ACOX1: variants seen among roughly 807,000 people sequenced by gnomAD.
ACOX1 encodes peroxisomal acyl-coenzyme A oxidase 1.
ACOX1 carries 41 observed loss-of-function variants against 75.5 expected under a neutral mutation model. The ratio of observed to expected loss-of-function variants is 0.54; its 90% CI spans 0.42 to 0.70. The LOEUF is 0.70. Among genes scored for constraint, ACOX1 ranks in the 30% least tolerant of loss-of-function variants. The pLI, the probability that ACOX1 is intolerant of heterozygous loss-of-function variation, is 0.00. For synonymous variants in ACOX1, 303 were observed against 298.8 expected, an observed-to-expected ratio of 1.01 and a Z score of -0.15; for missense variants, 630 against 837.5, an observed-to-expected ratio of 0.75 and a Z score of 3.06.
Position 75,943,243 on chromosome 17 carries a change from G to A in ACOX1, c.*3505C>T, listed in dbSNP as rs2065689931. 6.7e-6 allele frequency: 1 copy of A among 149,090 alleles called. No homozygotes were observed. Among genetic ancestry groups the A allele is most frequent in the South Asian group, 2.1e-4 (1 of 4,718 alleles). 9.2% of individuals were successfully genotyped at this position (149,090 alleles called of 1,614,324 possible). ...AAAAAAAAAAAAAAAAAATTAACAT[G>A]TTGGCCCAGTGCAGTAGCTCACTCC... On this transcript the variant is annotated 3_prime_UTR_variant, in exon 14 of 14. Transcript: ENST00000293217.
intron 2 of ACOX1, among the ~76,000 whole-genome samples, chr17:75,968,975 A>G (rs192180847): frequency 1.3e-5 from 2 of 152,162 alleles, no homozygotes; most frequent in Non-Finnish European, 2.9e-5. Flanking sequence ...TAAAGTGACC[A>G]CGTTGATGGA....
At chr17:75,958,219 G>A (rs1456195397) in intron 3 of ACOX1, among the ~76,000 whole-genome samples, 1 of 150,366 alleles carries the variant, frequency 6.7e-6, no homozygotes, top group African/African-American at 2.5e-5. Context: ...CAGGCATTGT[G>A]GCATGCGCCT....
chr17:75,958,786 C>G (rs1295354871), intron 3 of ACOX1, among the ~76,000 whole-genome samples: 8 of 135,870 alleles, frequency 5.9e-5, no homozygotes, highest in East Asian at 2.1e-4. Context: ...CCAGCCTGGG[C>G]GACAGAGCAC....
intron 4 of ACOX1, 113 bp from the exon 5 acceptor site, chr17:75,956,060 T>TACG: frequency 6.9e-7 from 1 of 1,450,512 alleles, no homozygotes; most frequent in Non-Finnish European, 9.6e-7. Context: ...ACCAATAGTA[T>TACG]GTGTCCAGAA....
rs780070535 is a variant in ACOX1, at chr17:75,978,703, G to T, written c.110-10C>A. ...TTCAGGATCATGTTCTCTGAAAGGG[G>T]GTTAAAGGGCATTAAAAGGCAGACA... On this transcript the variant is annotated splice_polypyrimidine_tract_variant and intron_variant, in intron 1 of 13. Coordinates refer to ENST00000293217, the MANE Select transcript of ACOX1 (RefSeq NM_004035.7). This position sits in a 1 kb window ranked among gnomAD's most constrained non-coding sequence, Gnocchi z 4.2. The T allele has an allele frequency of 7.4e-6, 12 of 1,613,596 alleles. No homozygotes were observed. The highest frequency in any genetic ancestry group is 1.0e-5 in the Non-Finnish European group (12 of 1,180,038).
chr17:75,957,730 T>C (rs771567350), intron 3 of ACOX1, among the ~76,000 whole-genome samples, 164 bp from the exon 4 acceptor site: 31 of 152,194 alleles, frequency 2.0e-4, no homozygotes, highest in Non-Finnish European at 4.0e-4. Flanking sequence ...ACCAAGACAC[T>C]GAATTTCCCA....
chr17:75,948,432 A>G lies in ACOX1; in HGVS notation c.1754T>C (p.Ile585Thr). Reference sequence around the variant, plus strand: ...CTTTACACGCTGGTTTACTTGTGTAATCTGAGGCTCTGTCATGATGCTCCC... The same window carrying G: ...CTTTACACGCTGGTTTACTTGTGTAGTCTGAGGCTCTGTCATGATGCTCCC... ...LQGSIMTEPQ[I>T]TQVNQRVKEL... The change falls in exon 13 of 14, where the codon ATT (isoleucine) becomes ACT (threonine). Residue 585 changes from isoleucine to threonine, a missense_variant. Ile to Thr is a moderately conservative substitution (Grantham distance 89). Transcript: ENST00000293217. 6.2e-7 allele frequency: 1 copy of G among 1,614,210 alleles called. No individual in the cohort carries two copies. Among genetic ancestry groups the G allele is most frequent in the Non-Finnish European group, 8.5e-7 (1 of 1,180,030 alleles).
rs1232468139 is a variant in ACOX1 at position 75,946,685 on chromosome 17, C to G, written c.*63G>C. The G allele has an allele frequency of 6.8e-7, 1 of 1,459,980 alleles. No individual in the cohort carries two copies. Among genetic ancestry groups the G allele is most frequent in the Non-Finnish European group, 9.6e-7 (1 of 1,041,902 alleles). The allele number at this position is 1,459,980 out of a possible 1,614,324, so 90.4% of individuals were successfully genotyped here. Reference sequence around the variant, plus strand: ...TAGCTATTTGAATTCGAAAAAGATTCCACAAAATTTGAGTTGCACACAGGC... The same window carrying G: ...TAGCTATTTGAATTCGAAAAAGATTGCACAAAATTTGAGTTGCACACAGGC... On this transcript the variant is annotated 3_prime_UTR_variant, in exon 14 of 14. Transcript: ENST00000293217.
rs2066082728 is a variant in ACOX1, at chr17:75,978,706, T to TA, written c.110-14dup. 2 of 1,613,074 alleles carry TA rather than the reference T, an allele frequency of 1.2e-6. No homozygotes were observed. The highest frequency in any genetic ancestry group is 4.5e-5 in the East Asian group (2 of 44,858). On this transcript the variant is annotated splice_polypyrimidine_tract_variant and intron_variant, in intron 1 of 13. Coordinates refer to ENST00000293217, the MANE Select transcript of ACOX1 (RefSeq NM_004035.7). This position sits in a 1 kb window ranked among gnomAD's most constrained non-coding sequence, Gnocchi z 4.2. Reference sequence around the variant, plus strand: ...AGGATCATGTTCTCTGAAAGGGGGTTAAAGGGCATTAAAAGGCAGACAGAC... The same window carrying TA: ...AGGATCATGTTCTCTGAAAGGGGGTTAAAAGGGCATTAAAAGGCAGACAGAC...
chr17:75,957,365 G>T, intron 4 of ACOX1, 94 bp downstream of exon 4: 3 of 1,165,032 alleles, frequency 2.6e-6, no homozygotes, highest in Non-Finnish European at 2.6e-6. Flanking sequence ...TCACCACCAA[G>T]TCTGGCCGAC....
Position 75,949,496 on chromosome 17 carries a change from T to A in ACOX1, c.1583A>T (p.Glu528Val). 1 of 1,614,150 alleles carries A rather than the reference T, an allele frequency of 6.2e-7. No homozygotes were observed. The highest frequency in any genetic ancestry group is 8.5e-7 in the Non-Finnish European group (1 of 1,179,958). ...GAAAAAGAGAGAACTACCACTGACC[T>A]CACTTGCTCGAACAAGGTCAACAGA... ...LTSVDLVRAS[E>V]AHCHYVVVKL... The change falls in exon 11 of 14, where the codon GAG becomes GTG. Residue 528 changes from glutamate (E) to valine (V), a missense_variant and splice_region_variant. By Grantham distance (121) the Glu-to-Val change is moderately radical. Transcript: ENST00000293217.
intron 2 of ACOX1, among the ~76,000 whole-genome samples, chr17:75,968,628 ATATAT>A (rs1419863562): frequency 6.7e-6 from 1 of 148,506 alleles, no homozygotes; most frequent in Non-Finnish European, 1.5e-5. Flanking sequence ...AAAAAAAGAA[ATATAT>A]TAAAGTAGGC....
At chr17:75,963,379 T>G (rs2065903124) in intron 2 of ACOX1, among the ~76,000 whole-genome samples, 1 of 151,656 alleles carries the variant, frequency 6.6e-6, no homozygotes, top group Non-Finnish European at 1.5e-5. Flanking sequence ...GCTGGGGAAA[T>G]TACTGCACAA....
intron 2 of ACOX1, among the ~76,000 whole-genome samples, chr17:75,974,807 T>C (rs55681750): frequency 0.18 from 26,977 of 151,460 alleles, 2,868 homozygotes; most frequent in African/African-American, 0.3. Context: ...CCAAGGCGGG[T>C]GGATCACGAG....
At chr17:75,975,717 G>A (rs771971549) in intron 2 of ACOX1, among the ~76,000 whole-genome samples, 37 of 152,110 alleles carry the variant, frequency 2.4e-4, no homozygotes, top group Non-Finnish European at 4.7e-4. Context: ...GAAGGGGCGG[G>A]TGGATCACAA....
At position 75,941,776 on chromosome 17, in the gene ACOX1, G is replaced by T. The variant is rs1375642855; in HGVS notation, c.*4972C>A. The stretch of plus-strand genomic sequence containing the variant: ...GCCACAACAGCAAAGGGGGAAAAAG[G>T]TAGCAAAGTAATTATGTGCTCCCAA... On this transcript the variant is annotated 3_prime_UTR_variant, in exon 14 of 14. Transcript: ENST00000293217. 1 of 152,194 alleles carries T rather than the reference G, an allele frequency of 6.6e-6. No individual in the cohort carries two copies. Among genetic ancestry groups the T allele is most frequent in the Non-Finnish European group, 1.5e-5 (1 of 68,052 alleles). The allele number at this position is 152,194 out of a possible 1,614,324, so 9.4% of individuals were successfully genotyped here. A position where few individuals can be genotyped will look rare whatever the true frequency, so the allele number is the denominator to read the frequency against.
intron 4 of ACOX1, 46 bp from the exon 5 acceptor site, chr17:75,955,993 C>T (rs748223985): frequency 4.3e-6 from 7 of 1,612,890 alleles, no homozygotes; most frequent in South Asian, 2.2e-5. Context: ...AACGTTCATA[C>T]ATTTTTAAAG....
intron 7 of ACOX1, among the ~76,000 whole-genome samples, chr17:75,952,400 T>C (rs1369901177): frequency 4.0e-5 from 6 of 151,546 alleles, no homozygotes; most frequent in Non-Finnish European, 5.9e-5. Context: ...GTTCAAGTGA[T>C]TCTCCTGCCT....
chr17:75,947,964 C>T (rs1465597171), intron 13 of ACOX1, among the ~76,000 whole-genome samples: 1 of 151,976 alleles, frequency 6.6e-6, no homozygotes, highest in East Asian at 1.9e-4. Context: ...GGTGATCTGC[C>T]CACTCGGCCT....
Sources: gnomAD v4.1 joint callset for allele counts (sites outside exome capture counted in the v4.1 genomes callset) on GRCh38, gnomAD v4.1.1 for gene constraint, Gnocchi (gnomAD v3.1) non-coding constraint, MANE v1.5 for transcripts, NCBI Gene and HGNC (gene_info 2026-07-23, HGNC 2026-07-21) for gene names.